Variants in DLGAP1 observed in about 807,000 individuals in gnomAD.
DLGAP1 encodes the protein disks large-associated protein 1.
DLGAP1 carries 11 observed loss-of-function variants against 90.8 expected under a neutral mutation model. The observed-to-expected ratio is 0.12, with a 90% CI of 0.08 to 0.20. DLGAP1 has a LOEUF of 0.20. DLGAP1 is among the 10% of genes least tolerant of loss of function. The pLI is 1.00. For synonymous variants in DLGAP1, 558 were observed against 540.7 expected (o/e 1.03, Z -0.44); for missense variants, 1,050 against 1,333.8 (o/e 0.79, Z 3.31).
chr18:4,198,456 C>T (rs1012552749), intron 1 of DLGAP1, among the ~76,000 whole-genome samples: 17 of 150,278 alleles, frequency 1.1e-4, no homozygotes, highest in Middle Eastern at 3.4e-3. Context: ...AATGGGTCCA[C>T]GAAACAATTA....
intron 4 of DLGAP1, among the ~76,000 whole-genome samples, chr18:3,816,721 T>G (rs1004162367): frequency 1.3e-5 from 2 of 152,196 alleles, no homozygotes; most frequent in Non-Finnish European, 2.9e-5. Flanking sequence ...ACTAAAGTTA[T>G]GTAGCTCACT....
intron 1 of DLGAP1, among the ~76,000 whole-genome samples, chr18:4,177,637 G>A (rs1405847792): frequency 6.6e-6 from 1 of 151,940 alleles, no homozygotes; most frequent in Non-Finnish European, 1.5e-5. Context: ...CCTCATGTAG[G>A]CCCTGGTGTC....
chr18:3,897,835 C>T (rs551886645), intron 3 of DLGAP1, among the ~76,000 whole-genome samples: 14 of 138,718 alleles, frequency 1.0e-4, no homozygotes, highest in Admixed American at 5.7e-4. Context: ...TCGCCCAGGC[C>T]GGACTGCGGA....
At chr18:4,244,741 A>C (rs1598712954) in intron 1 of DLGAP1, among the ~76,000 whole-genome samples, 1 of 152,312 alleles carries the variant, frequency 6.6e-6, no homozygotes, top group Non-Finnish European at 1.5e-5. Context: ...CATCACAAGG[A>C]TATTAAAAGG....
chr18:3,578,841 G>A (rs1190905065), intron 8 of DLGAP1, among the ~76,000 whole-genome samples: 1 of 152,094 alleles, frequency 6.6e-6, no homozygotes, highest in African/African-American at 2.4e-5. Context: ...GGTTGGATGA[G>A]TCAAATGAGA....
intron 2 of DLGAP1, among the ~76,000 whole-genome samples, chr18:4,095,384 T>C (rs73384759): frequency 7.6e-4 from 115 of 152,276 alleles, no homozygotes; most frequent in African/African-American, 2.7e-3. Context: ...CTTTTAGACA[T>C]AGATGTATCC....
chr18:4,026,407 C>A (rs1376940739), intron 2 of DLGAP1, among the ~76,000 whole-genome samples: 1 of 152,106 alleles, frequency 6.6e-6, no homozygotes, highest in Non-Finnish European at 1.5e-5. Flanking sequence ...TTCTTCTGCT[C>A]CAGTTTAGAA....
At chr18:3,910,991 C>A (rs1431569138) in intron 3 of DLGAP1, among the ~76,000 whole-genome samples, 1 of 152,182 alleles carries the variant, frequency 6.6e-6, no homozygotes, top group East Asian at 1.9e-4. Context: ...GGCCCACGAA[C>A]TGCTGGAGGA....
chr18:3,559,371 G>C (rs1285680804), intron 9 of DLGAP1, among the ~76,000 whole-genome samples: 9 of 152,012 alleles, frequency 5.9e-5, no homozygotes, highest in Admixed American at 5.9e-4. Flanking sequence ...ATGGGAAAAG[G>C]GTTAAACTGA....
intron 1 of DLGAP1, among the ~76,000 whole-genome samples, chr18:4,166,568 C>T (rs948418924): frequency 2.6e-5 from 4 of 152,140 alleles, no homozygotes; most frequent in East Asian, 1.9e-4. Flanking sequence ...ACCCAAGAAT[C>T]GAAAGCATAG....
chr18:4,102,660 T>C (rs2075799125), intron 2 of DLGAP1, among the ~76,000 whole-genome samples: 1 of 152,222 alleles, frequency 6.6e-6, no homozygotes, highest in South Asian at 2.1e-4. Context: ...AGATTTTTCA[T>C]AATCTGAGTT....
chr18:4,263,135 T>C (rs1004295077), intron 1 of DLGAP1, among the ~76,000 whole-genome samples: 4 of 152,104 alleles, frequency 2.6e-5, no homozygotes, highest in African/African-American at 9.7e-5. Flanking sequence ...GGTTTCTTCA[T>C]GTTGGCCAGG....
At chr18:3,621,717 C>T (rs575352740) in intron 7 of DLGAP1, among the ~76,000 whole-genome samples, 4 of 152,362 alleles carry the variant, frequency 2.6e-5, no homozygotes, top group Admixed American at 2.6e-4. Context: ...GGGAGGCTGC[C>T]TGATTCGCAA....
chr18:3,562,045 G>T (rs1302192344), intron 9 of DLGAP1, among the ~76,000 whole-genome samples: 1 of 146,368 alleles, frequency 6.8e-6, no homozygotes, highest in Non-Finnish European at 1.5e-5. Flanking sequence ...TGGCCAACAT[G>T]GTGAAACCCT....
intron 3 of DLGAP1, among the ~76,000 whole-genome samples, chr18:3,959,527 C>T (rs115824089): frequency 2.0e-5 from 3 of 152,096 alleles, no homozygotes; most frequent in Admixed American, 6.5e-5. Flanking sequence ...AGTAGCCGGA[C>T]GTGGTGTCGC....
chr18:4,192,479 G>A (rs980462947), intron 1 of DLGAP1, among the ~76,000 whole-genome samples: 1 of 152,098 alleles, frequency 6.6e-6, no homozygotes, highest in African/African-American at 2.4e-5. Context: ...GCTATTATTG[G>A]AACGTACTTA....
At chr18:3,935,891 C>T (rs2072625924) in intron 3 of DLGAP1, among the ~76,000 whole-genome samples, 1 of 152,178 alleles carries the variant, frequency 6.6e-6, no homozygotes, top group Non-Finnish European at 1.5e-5. Context: ...ATTTGGGAGA[C>T]TGTCTTTTAT....
intron 7 of DLGAP1, among the ~76,000 whole-genome samples, chr18:3,700,971 T>G (rs2061261672): frequency 6.6e-6 from 1 of 152,190 alleles, no homozygotes; most frequent in African/African-American, 2.4e-5. Context: ...CTTGACCTCC[T>G]GGGCTTACGT....
At chr18:3,750,986 C>A (rs1055392818) in intron 5 of DLGAP1, among the ~76,000 whole-genome samples, 1 of 152,186 alleles carries the variant, frequency 6.6e-6, no homozygotes. Context: ...TTTTATACTT[C>A]TCTGTTACAC....
Sources: gnomAD v4.1 joint callset for allele counts (sites outside exome capture counted in the v4.1 genomes callset) on GRCh38, gnomAD v4.1.1 for gene constraint, MANE v1.5 for transcripts, NCBI Gene and HGNC (gene_info 2026-07-23, HGNC 2026-07-21) for gene names.